ERICH1: variants seen among roughly 807,000 people sequenced by gnomAD.
ERICH1 encodes the protein glutamate rich 1.
Under a neutral mutation model 39.6 loss-of-function variants are expected in ERICH1, and 56 were observed. That is an observed-to-expected ratio of 1.41 (90% CI 1.14 to 1.77). The LOEUF (loss-of-function observed/expected upper bound fraction) is 1.77, where lower values mean the gene tolerates loss of function less well. Among genes scored for constraint, ERICH1 ranks in the 40% most tolerant of loss-of-function variants. The pLI, the probability that ERICH1 is intolerant of heterozygous loss-of-function variation, is 0.00. For synonymous variants in ERICH1, 313 were observed against 223.6 expected (o/e 1.40, Z -3.57); for missense variants, 826 against 575.4 (o/e 1.44, Z -4.45).
chr8:698,356 C>G (rs1308552036), intron 2 of ERICH1, among the ~76,000 whole-genome samples: 2 of 151,984 alleles, frequency 1.3e-5, no homozygotes, highest in African/African-American at 2.4e-5. Context: ...GTACCTGGGA[C>G]TACAGGTGTG....
At chr8:698,881 C>G (rs890004082) in intron 2 of ERICH1, among the ~76,000 whole-genome samples, 1 of 149,424 alleles carries the variant, frequency 6.7e-6, no homozygotes, top group Non-Finnish European at 1.5e-5. Flanking sequence ...AAGTAGCATC[C>G]TATGGTTGTC....
At chr8:701,592 G>A (rs1377275040) in intron 2 of ERICH1, among the ~76,000 whole-genome samples, 1 of 152,192 alleles carries the variant, frequency 6.6e-6, no homozygotes, top group Non-Finnish European at 1.5e-5. Context: ...CAACAGAGTC[G>A]GACCACCACC....
At position 664,268 on chromosome 8, in the gene ERICH1, T is replaced by G; in HGVS notation, c.*335A>C. 1 of 1,011,208 alleles carries G rather than the reference T, an allele frequency of 9.9e-7. No individual in the cohort carries two copies. The highest frequency in any genetic ancestry group is 1.2e-6 in the Non-Finnish European group (1 of 847,190). The allele number at this position is 1,011,208 out of a possible 1,614,324, so 62.6% of individuals were successfully genotyped here. A position where few individuals can be genotyped will look rare whatever the true frequency, so the allele number is the denominator to read the frequency against. On this transcript the variant is annotated 3_prime_UTR_variant, in exon 6 of 6. Coordinates refer to ENST00000262109, the MANE Select transcript of ERICH1 (RefSeq NM_207332.3). ...GCAGAGACTTTCAGATACAAGGTGATTCAAAACTTCATAAAAATATATGAG... is the reference window on the plus strand; with the variant it reads ...GCAGAGACTTTCAGATACAAGGTGAGTCAAAACTTCATAAAAATATATGAG...
chr8:696,914 C>A lies in ERICH1; in HGVS notation c.170-4302G>T, dbSNP rs550069720. ...TCACACCCTCCCTCTCCTTCCTCCC[C>A]ATCAGCCTGTACTCGCTTCTCTCAC... On this transcript the variant is annotated intron_variant, in intron 2 of 5. Transcript: ENST00000262109. Among the ~76,000 whole-genome samples, 10 of 150,806 alleles carry A rather than the reference C, an allele frequency of 6.6e-5. No homozygotes were observed. In the South Asian group the frequency reaches 2.1e-3, roughly 32 times the overall value.
chr8:686,571 G>C (rs771059339), intron 3 of ERICH1: 3 of 152,196 alleles, frequency 2.0e-5, no homozygotes, highest in Admixed American at 1.3e-4. Context: ...ATTCTCATTG[G>C]CTTCATTAAG....
At chr8:616,429 A>C (rs13255197) in intron 3 of ERICH1, 325,870 of 427,048 alleles carry the variant, frequency 0.76, 126,314 homozygotes, top group East Asian at 0.99. Flanking sequence ...AACCCCGCAC[A>C]CCCCATGCTC....
At chr8:628,807 G>A (rs924528905) in intron 3 of ERICH1, among the ~76,000 whole-genome samples, 2 of 152,144 alleles carry the variant, frequency 1.3e-5, no homozygotes, top group Admixed American at 1.3e-4. Context: ...AAGCTTTCAT[G>A]AACGTTTCCT....
At chr8:706,380 C>G (rs746631986) in intron 2 of ERICH1, among the ~76,000 whole-genome samples, 1 of 152,168 alleles carries the variant, frequency 6.6e-6, no homozygotes, top group Non-Finnish European at 1.5e-5. Context: ...AAAGCAATTC[C>G]ACTTACAATA....
At chr8:622,705 A>T (rs1253064032) in intron 3 of ERICH1, among the ~76,000 whole-genome samples, 1 of 152,110 alleles carries the variant, frequency 6.6e-6, no homozygotes, top group Non-Finnish European at 1.5e-5. Context: ...GTAATCCCAG[A>T]ACTTTGGGAG....
chr8:672,155 C>T (rs1621966), intron 4 of ERICH1: 7,302 of 152,498 alleles, frequency 0.048, 308 homozygotes, highest in African/African-American at 0.11. Context: ...CAGGTGTTTC[C>T]CATCCTGGCT....
At chr8:651,306 G>T (rs760572715) in intron 3 of ERICH1, among the ~76,000 whole-genome samples, 3 of 152,208 alleles carry the variant, frequency 2.0e-5, no homozygotes, top group Non-Finnish European at 4.4e-5. Context: ...GGTTGGGTGG[G>T]AGTGGGAAAA....
intron 3 of ERICH1, among the ~76,000 whole-genome samples, chr8:621,372 A>T (rs1797270849): frequency 6.6e-6 from 1 of 152,168 alleles, no homozygotes; most frequent in African/African-American, 2.4e-5. Context: ...ATTTCTCACA[A>T]CAAAAGATAA....
intron 2 of ERICH1, among the ~76,000 whole-genome samples, chr8:697,935 C>G (rs985998468): frequency 6.6e-6 from 1 of 151,938 alleles, no homozygotes; most frequent in South Asian, 2.1e-4. Flanking sequence ...AATGAGGCAG[C>G]TGCCTGATGG....
intron 1 of ERICH1, among the ~76,000 whole-genome samples, chr8:724,780 C>T (rs755049866): frequency 1.3e-5 from 2 of 152,210 alleles, no homozygotes; most frequent in African/African-American, 4.8e-5. Flanking sequence ...AGGGATTCCA[C>T]ACCGACAAGC....
chr8:677,501 C>CT (rs1167703843), intron 3 of ERICH1, among the ~76,000 whole-genome samples: 2 of 152,202 alleles, frequency 1.3e-5, no homozygotes, highest in Non-Finnish European at 1.5e-5. Flanking sequence ...CCTCACTCAC[C>CT]AGTGGGTGTT....
At chr8:643,575 C>T (rs1420382902) in intron 3 of ERICH1, among the ~76,000 whole-genome samples, 3 of 152,212 alleles carry the variant, frequency 2.0e-5, no homozygotes, top group East Asian at 1.9e-4. Flanking sequence ...CTCCCCCTAC[C>T]CCCTCACCTT....
chr8:662,644 A>G (rs4735902), downstream of ERICH1, among the ~76,000 whole-genome samples: 2,555 of 152,334 alleles, frequency 0.017, 71 homozygotes, highest in African/African-American at 0.055. Context: ...GCGAGACTCC[A>G]TCTCAAAAAG....
At position 636,798 on chromosome 8, in the gene ERICH1, G is replaced by A. The variant is rs553611459; in HGVS notation, c.977-21514C>T. 2.6e-3 allele frequency among the ~76,000 whole-genome samples: 400 copies of A among 152,360 alleles called. 3 individuals carry two copies. The highest frequency in any genetic ancestry group is 9.0e-3 in the African/African-American group (375 of 41,586). ...ACGTGCTCCCCTGAGGGGCCAGGAGGGATGCTCTGGGCTCTGCCCTCCCGT... is the reference window on the plus strand; with the variant it reads ...ACGTGCTCCCCTGAGGGGCCAGGAGAGATGCTCTGGGCTCTGCCCTCCCGT... On this transcript the variant is annotated intron_variant, in intron 3 of 3. Transcript: ENST00000522706.
intron 3 of ERICH1, among the ~76,000 whole-genome samples, chr8:633,181 C>CA (rs1563170343): frequency 1.3e-5 from 2 of 151,874 alleles, no homozygotes; most frequent in Non-Finnish European, 2.9e-5. Context: ...CCGCCCAGGA[C>CA]AGACGGAGGC....
Sources: gnomAD v4.1 joint callset for allele counts (sites outside exome capture counted in the v4.1 genomes callset) on GRCh38, gnomAD v4.1.1 for gene constraint, MANE v1.5 for transcripts, NCBI Gene and HGNC (gene_info 2026-07-23, HGNC 2026-07-21) for gene names.